The following SOX6 variants were observed in gnomAD, a reference collection of about 807,000 sequenced individuals.
SOX6 encodes SRY-box transcription factor 6, also known as transcription factor SOX-6.
Under a neutral mutation model 97.8 loss-of-function variants are expected in SOX6, and 11 were observed. The ratio of observed to expected loss-of-function variants is 0.11; its 90% CI spans 0.07 to 0.19. The LOEUF (loss-of-function observed/expected upper bound fraction) is 0.19. Ranked by LOEUF, SOX6 falls within the 10% of genes least tolerant of loss-of-function variation. The probability of loss-of-function intolerance (pLI) is 1.00; values close to 1 mark genes in which losing one functional copy is unlikely to be tolerated. For missense variants in SOX6, 810 were observed against 1,039.5 expected, an observed-to-expected ratio of 0.78 and a Z score of 3.04; for synonymous variants, 360 against 371.4, an observed-to-expected ratio of 0.97 and a Z score of 0.35.
intron 4 of SOX6, among the ~76,000 whole-genome samples, chr11:16,543,830 C>T (rs1310759435): frequency 1.3e-5 from 2 of 152,210 alleles, no homozygotes; most frequent in East Asian, 3.9e-4. Context: ...TTTGGCACTT[C>T]CTCAAAAAGT....
At chr11:15,980,494 A>T (rs1439076958) in intron 15 of SOX6, among the ~76,000 whole-genome samples, 2 of 152,026 alleles carry the variant, frequency 1.3e-5, no homozygotes, top group East Asian at 3.9e-4. Context: ...AAAAGAGACT[A>T]AAAAAACCAC....
chr11:16,137,709 C>A (rs1850007758), intron 6 of SOX6, among the ~76,000 whole-genome samples: 1 of 152,108 alleles, frequency 6.6e-6, no homozygotes, highest in African/African-American at 2.4e-5. Flanking sequence ...GTGTCCCCAC[C>A]CAAATCTCAT....
chr11:16,294,300 A>G (rs773544986), intron 3 of SOX6, among the ~76,000 whole-genome samples: 1 of 152,112 alleles, frequency 6.6e-6, no homozygotes, highest in Non-Finnish European at 1.5e-5. Flanking sequence ...ATCAGGAATT[A>G]TTATTTTTAA....
chr11:16,635,499 C>T (rs1051977689), intron 3 of SOX6, among the ~76,000 whole-genome samples: 2 of 152,168 alleles, frequency 1.3e-5, no homozygotes, highest in Non-Finnish European at 2.9e-5. Context: ...AGCCACAAAG[C>T]ATTCAGGGTG....
At chr11:16,622,865 C>A (rs781455600) in intron 3 of SOX6, among the ~76,000 whole-genome samples, 2 of 152,162 alleles carry the variant, frequency 1.3e-5, no homozygotes, top group Non-Finnish European at 2.9e-5. Flanking sequence ...AGTGGTTGTA[C>A]TAGTTTACCA....
At chr11:16,686,748 T>TA (rs141011170) in intron 3 of SOX6, among the ~76,000 whole-genome samples, 1,692 of 152,350 alleles carry the variant, frequency 0.011, 24 homozygotes, top group African/African-American at 0.038. Flanking sequence ...GGTAGCTTTA[T>TA]AGCAAAGCCT....
intron 4 of SOX6, among the ~76,000 whole-genome samples, chr11:16,587,790 T>A (rs918958003): frequency 6.6e-6 from 1 of 152,184 alleles, no homozygotes; most frequent in Non-Finnish European, 1.5e-5. Flanking sequence ...ACTAACAGAC[T>A]TCAAAGACAG....
In SOX6 at chr11:16,410,781, ATATGAACAAG is replaced by A. The variant is rs200481410; in HGVS notation, c.-5+65524_-5+65533del. Among the ~76,000 whole-genome samples, 10 of 145,686 alleles carry A rather than the reference ATATGAACAAG, an allele frequency of 6.9e-5. No homozygotes were observed. In the East Asian group the frequency reaches 1.9e-3, roughly 27 times the overall value. On this transcript the variant is annotated intron_variant, in intron 1 of 15. Transcript: ENST00000396356. ...CTCCAAAAAAAAAAAAAAAAAAAAGATATGAACAAGTATGAACAAGGACTGGAAATAAGCA... is the reference window on the plus strand; with the variant it reads ...CTCCAAAAAAAAAAAAAAAAAAAAGATATGAACAAGGACTGGAAATAAGCA...
chr11:16,706,985 T>C (rs756681382), intron 3 of SOX6, among the ~76,000 whole-genome samples: 3 of 152,140 alleles, frequency 2.0e-5, no homozygotes, highest in Non-Finnish European at 2.9e-5. Context: ...ACACTGGGAA[T>C]AGATGTACCT....
intron 13 of SOX6, among the ~76,000 whole-genome samples, chr11:15,991,436 C>T (rs1375653600): frequency 6.6e-6 from 1 of 152,206 alleles, no homozygotes. Flanking sequence ...ACGACAGTGT[C>T]TTCTCCTGAG....
chr11:16,042,827 T>C (rs1347170134), intron 12 of SOX6, among the ~76,000 whole-genome samples: 1 of 152,170 alleles, frequency 6.6e-6, no homozygotes, highest in Non-Finnish European at 1.5e-5. Context: ...TCTCAAGTGA[T>C]TCCCAGATAA....
At chr11:16,523,273 A>G (rs1861101662) in intron 4 of SOX6, among the ~76,000 whole-genome samples, 1 of 152,208 alleles carries the variant, frequency 6.6e-6, no homozygotes, top group South Asian at 2.1e-4. Context: ...AGAAATTATA[A>G]CAAACTATCT....
intron 4 of SOX6, among the ~76,000 whole-genome samples, chr11:16,507,672 C>T (rs1009659035): frequency 2.0e-5 from 3 of 152,088 alleles, no homozygotes; most frequent in African/African-American, 4.8e-5. Context: ...GGAAAAGACA[C>T]CCTCTTCTAG....
Position 16,019,741 on chromosome 11 carries a change from A to G in SOX6, c.1624-4691T>C, listed in dbSNP as rs1360854144. 2.0e-5 allele frequency among the ~76,000 whole-genome samples: 3 copies of G among 152,266 alleles called. No homozygotes were observed. In the South Asian group the frequency reaches 6.2e-4, roughly 32 times the overall value. On this transcript the variant is annotated intron_variant, in intron 12 of 15. Transcript: ENST00000683767. ...ATACATATTTAAATATTAAAGACTTAAAAATCTTTCAAATGTGGAATGATA... is the reference window on the plus strand; with the variant it reads ...ATACATATTTAAATATTAAAGACTTGAAAATCTTTCAAATGTGGAATGATA...
At chr11:16,359,182 G>C (rs539349293), upstream of SOX6, among the ~76,000 whole-genome samples, 2 of 152,050 alleles carry the variant, frequency 1.3e-5, no homozygotes, top group Non-Finnish European at 2.9e-5. Context: ...TCCTCAGAAC[G>C]AGAAGTTTGT....
At chr11:16,440,636 T>A (rs865913413) in intron 1 of SOX6, among the ~76,000 whole-genome samples, 3 of 152,120 alleles carry the variant, frequency 2.0e-5, no homozygotes, top group Non-Finnish European at 4.4e-5. Flanking sequence ...AATGCAAAAA[T>A]TAGTATAAAT....
chr11:16,230,584 T>A (rs529213911), intron 4 of SOX6, among the ~76,000 whole-genome samples: 1 of 151,848 alleles, frequency 6.6e-6, no homozygotes, highest in African/African-American at 2.4e-5. Flanking sequence ...ATAAAATAAC[T>A]GAATAAATGA....
intron 1 of SOX6, among the ~76,000 whole-genome samples, chr11:16,462,586 T>C (rs1453091687): frequency 6.6e-6 from 1 of 152,186 alleles, no homozygotes; most frequent in Non-Finnish European, 1.5e-5. Context: ...AAAAGCATTA[T>C]GCAAAAACAA....
intron 9 of SOX6, among the ~76,000 whole-genome samples, chr11:16,081,223 C>T (rs1309410668): frequency 6.6e-6 from 1 of 152,086 alleles, no homozygotes; most frequent in Non-Finnish European, 1.5e-5. Flanking sequence ...TTCTTTTGGA[C>T]TCGTACCCCT....
Sources: gnomAD v4.1 joint callset for allele counts (sites outside exome capture counted in the v4.1 genomes callset) on GRCh38, gnomAD v4.1.1 for gene constraint, MANE v1.5 for transcripts, NCBI Gene and HGNC (gene_info 2026-07-23, HGNC 2026-07-21) for gene names.